The following ADARB2 variants were observed in gnomAD, a reference collection of about 807,000 sequenced individuals.
The protein encoded by ADARB2 is adenosine deaminase RNA specific B2 (inactive), also known as inactive double-stranded RNA-specific editase B2.
ADARB2 carries 25 observed loss-of-function variants against 62.2 expected under a neutral mutation model. The observed-to-expected ratio is 0.40, with a 90% CI of 0.29 to 0.56. The LOEUF (loss-of-function observed/expected upper bound fraction) is 0.56. Ranked by LOEUF, ADARB2 falls within the 20% of genes least tolerant of loss-of-function variation. ADARB2 has a pLI of 0.43. For missense variants in ADARB2, 1,071 were observed against 1,077.4 expected, an observed-to-expected ratio of 0.99 and a Z score of 0.08; for synonymous variants, 572 against 500.8, an observed-to-expected ratio of 1.14 and a Z score of -1.90.
At chr10:1,532,793 G>T (rs1832264728) in intron 1 of ADARB2, among the ~76,000 whole-genome samples, 1 of 152,202 alleles carries the variant, frequency 6.6e-6, no homozygotes, top group Non-Finnish European at 1.5e-5. Flanking sequence ...GCAGGTGAGG[G>T]CACAGGCAGG....
rs1007786355 is a variant in ADARB2, at chr10:1,691,290, T to C, written c.100+45761A>G. Among the ~76,000 whole-genome samples the C allele has an allele frequency of 3.3e-5, 5 of 152,168 alleles. 1 individual carries two copies. The highest frequency in any genetic ancestry group is 2.0e-4 in the Admixed American group (3 of 15,286). On this transcript the variant is annotated intron_variant, in intron 1 of 9. Coordinates refer to ENST00000381312, the MANE Select transcript of ADARB2 (RefSeq NM_018702.4). ...AGGCCTCAGGAGAAACCAACCCTGA[T>C]GACATTTTGACCTTGGACTTCCAGC...
At chr10:1,273,807 C>G (rs116875732) in intron 3 of ADARB2, among the ~76,000 whole-genome samples, 2,191 of 152,286 alleles carry the variant, frequency 0.014, 33 homozygotes, top group Admixed American at 0.036. Flanking sequence ...TGCTGCAAGC[C>G]CCATCCTGCC....
intron 7 of ADARB2, among the ~76,000 whole-genome samples, chr10:1,208,884 G>A (rs890734813): frequency 6.6e-6 from 1 of 152,206 alleles, no homozygotes; most frequent in Admixed American, 6.5e-5. Flanking sequence ...GCAGGGGCTT[G>A]GCCCACAGCT....
intron 1 of ADARB2, among the ~76,000 whole-genome samples, chr10:1,624,571 A>C (rs1833743807): frequency 1.3e-5 from 2 of 152,190 alleles, no homozygotes; most frequent in Non-Finnish European, 1.5e-5. Flanking sequence ...AACTGAGCGA[A>C]ACTCACGAGG....
intron 1 of ADARB2, among the ~76,000 whole-genome samples, chr10:1,493,748 T>TAGATAGAG (rs1831651675): frequency 1.8e-5 from 1 of 56,990 alleles, no homozygotes; most frequent in Non-Finnish European, 3.4e-5. Flanking sequence ...TTTTTTTTTT[T>TAGATAGAG]TTTTTTTTTT....
chr10:1,573,721 G>A (rs2131994676), intron 1 of ADARB2, among the ~76,000 whole-genome samples: 1 of 152,268 alleles, frequency 6.6e-6, no homozygotes, highest in South Asian at 2.1e-4. Context: ...CATGCAGCAG[G>A]CACCCAGCAG....
At chr10:1,644,002 C>CG (rs1834007064) in intron 1 of ADARB2, among the ~76,000 whole-genome samples, 1 of 152,168 alleles carries the variant, frequency 6.6e-6, no homozygotes, top group Non-Finnish European at 1.5e-5. Flanking sequence ...GCAGCCCACA[C>CG]GGCTGTCTCC....
intron 1 of ADARB2, among the ~76,000 whole-genome samples, chr10:1,464,043 A>T (rs564440123): frequency 6.6e-6 from 1 of 152,244 alleles, no homozygotes; most frequent in Non-Finnish European, 1.5e-5. Context: ...ATGACAGTGA[A>T]TGCTGACAAG....
intron 3 of ADARB2, among the ~76,000 whole-genome samples, chr10:1,348,129 A>G (rs568412518): frequency 6.6e-6 from 1 of 152,224 alleles, no homozygotes; most frequent in East Asian, 1.9e-4. Context: ...CCTGTGGTGC[A>G]GTGATTTGCT....
chr10:1,504,416 C>T (rs892482472), intron 1 of ADARB2, among the ~76,000 whole-genome samples: 7 of 152,350 alleles, frequency 4.6e-5, no homozygotes, highest in African/African-American at 1.7e-4. Context: ...TGGCGCTGGA[C>T]ATTCTGAGTG....
Position 1,633,549 on chromosome 10 carries a change from C to CATATATCT in ADARB2, c.100+103501_100+103502insAGATATAT, listed in dbSNP as rs113694941. Among the ~76,000 whole-genome samples, 666 of 101,704 alleles carry CATATATCT rather than the reference C, an allele frequency of 6.5e-3. 6 individuals carry two copies. Among genetic ancestry groups the CATATATCT allele is most frequent in the South Asian group, 0.032 (93 of 2,868 alleles). 66.7% of individuals were successfully genotyped at this position (101,704 alleles called of 152,430 possible). ...TCTGTCTGTCTGTCTGTCTATCTAT[C>CATATATCT]ATCTATCTATCTATCTATCTATCTA... On this transcript the variant is annotated intron_variant, in intron 1 of 9. Transcript: ENST00000381312.
At chr10:1,535,174 C>T (rs888589515) in intron 1 of ADARB2, among the ~76,000 whole-genome samples, 11 of 152,190 alleles carry the variant, frequency 7.2e-5, no homozygotes, top group Admixed American at 3.9e-4. Context: ...GAGGTTCCCA[C>T]GGTCACGCGT....
intron 1 of ADARB2, among the ~76,000 whole-genome samples, chr10:1,641,057 A>G (rs1325466595): frequency 6.6e-6 from 1 of 152,242 alleles, no homozygotes; most frequent in East Asian, 1.9e-4. Flanking sequence ...TATCTTTGCT[A>G]AAAGGAAAGG....
intron 1 of ADARB2, among the ~76,000 whole-genome samples, chr10:1,657,758 G>A (rs1182990552): frequency 6.6e-6 from 1 of 152,186 alleles, no homozygotes; most frequent in Non-Finnish European, 1.5e-5. Context: ...TTGCTGGGAG[G>A]CATGGATGGG....
At chr10:1,518,036 GA>G (rs2131949462) in intron 1 of ADARB2, among the ~76,000 whole-genome samples, 2 of 152,242 alleles carry the variant, frequency 1.3e-5, no homozygotes, top group South Asian at 4.2e-4. Flanking sequence ...TCTTAGTGGG[GA>G]GGTAAAAAGA....
intron 1 of ADARB2, among the ~76,000 whole-genome samples, chr10:1,671,968 T>C (rs1834390400): frequency 6.6e-6 from 1 of 152,136 alleles, no homozygotes; most frequent in Admixed American, 6.5e-5. Context: ...TTGATTCACA[T>C]GCCCCTGTTC....
At chr10:1,444,175 TACTC>T (rs1448293046) in intron 1 of ADARB2, among the ~76,000 whole-genome samples, 3 of 135,574 alleles carry the variant, frequency 2.2e-5, no homozygotes, top group Admixed American at 7.2e-5. Context: ...CCCACCCACT[TACTC>T]ATTCATCCAT....
At chr10:1,705,725 C>T (rs1238853606) in intron 1 of ADARB2, among the ~76,000 whole-genome samples, 11 of 152,162 alleles carry the variant, frequency 7.2e-5, no homozygotes, top group South Asian at 2.1e-4. Flanking sequence ...TACAAAGAAG[C>T]GTGTGAGGCC....
chr10:1,295,132 G>A (rs530887806), intron 3 of ADARB2, among the ~76,000 whole-genome samples: 1 of 152,308 alleles, frequency 6.6e-6, no homozygotes, highest in South Asian at 2.1e-4. Context: ...CCAGGACAAG[G>A]CCTTTCTGTT....
Sources: gnomAD v4.1 joint callset for allele counts (sites outside exome capture counted in the v4.1 genomes callset) on GRCh38, gnomAD v4.1.1 for gene constraint, MANE v1.5 for transcripts, NCBI Gene and HGNC (gene_info 2026-07-23, HGNC 2026-07-21) for gene names.